OPCML: variants seen among roughly 807,000 people sequenced by gnomAD.
OPCML encodes the protein opioid-binding protein/cell adhesion molecule.
OPCML carries 13 observed loss-of-function variants against 37.8 expected under a neutral mutation model. The observed-to-expected ratio is 0.34, with a 90% confidence interval of 0.22 to 0.55. The LOEUF is 0.55. OPCML is among the 20% of genes least tolerant of loss of function. The pLI is 0.91. For missense variants in OPCML, 341 were observed against 435.6 expected (o/e 0.78, Z 1.93); for synonymous variants, 176 against 168.8 (o/e 1.04, Z -0.33).
At chr11:133,469,695 A>G (rs1947060761) in intron 1 of OPCML, among the ~76,000 whole-genome samples, 1 of 152,204 alleles carries the variant, frequency 6.6e-6, no homozygotes, top group African/African-American at 2.4e-5. Context: ...GTCTGACCCA[A>G]TTGGCTTTCT....
chr11:132,538,784 C>G (rs2096347692), intron 3 of OPCML, among the ~76,000 whole-genome samples: 3 of 152,260 alleles, frequency 2.0e-5, no homozygotes, highest in Admixed American at 1.3e-4. Flanking sequence ...CAAGACAACT[C>G]GCATTGCCCT....
intron 2 of OPCML, among the ~76,000 whole-genome samples, chr11:132,869,069 C>T (rs1942693274): frequency 6.6e-6 from 1 of 152,098 alleles, no homozygotes; most frequent in African/African-American, 2.4e-5. Context: ...ACTCCATGAG[C>T]AGTTGGAGCA....
intron 1 of OPCML, among the ~76,000 whole-genome samples, chr11:133,262,209 G>A (rs1375190149): frequency 6.6e-6 from 1 of 152,180 alleles, no homozygotes; most frequent in Non-Finnish European, 1.5e-5. Context: ...GTTTTTGTGT[G>A]TGGTGAAAAC....
chr11:133,123,595 T>C lies in OPCML; in HGVS notation c.62-180585A>G, dbSNP rs1949453127. Reference sequence around the variant, plus strand: ...TGAAGCTGTTTTATCCAGGGCCATCTGGTCAGCCCGGCATGCTTGGAGGAG... The same window carrying C: ...TGAAGCTGTTTTATCCAGGGCCATCCGGTCAGCCCGGCATGCTTGGAGGAG... On this transcript the variant is annotated intron_variant, in intron 1 of 7. Transcript: ENST00000524381. 1.3e-5 allele frequency among the ~76,000 whole-genome samples: 2 copies of C among 152,104 alleles called. 1 individual carries two copies.
At chr11:133,368,938 C>T (rs1944612837) in intron 1 of OPCML, among the ~76,000 whole-genome samples, 4 of 152,136 alleles carry the variant, frequency 2.6e-5, no homozygotes. Flanking sequence ...ATAAACATAG[C>T]TATACAATTA....
At chr11:133,007,491 C>T (rs1458638526) in intron 1 of OPCML, 2 of 985,450 alleles carry the variant, frequency 2.0e-6, no homozygotes, top group African/African-American at 3.5e-5. Flanking sequence ...TGTTAATGAA[C>T]CTGTCCTTAG....
chr11:133,107,283 A>T (rs1949174504), intron 1 of OPCML, among the ~76,000 whole-genome samples: 1 of 152,216 alleles, frequency 6.6e-6, no homozygotes, highest in Admixed American at 6.5e-5. Context: ...TGTGATTTTC[A>T]TTAGAGGACA....
chr11:133,089,514 T>C (rs1408240855), intron 1 of OPCML, among the ~76,000 whole-genome samples: 2 of 152,300 alleles, frequency 1.3e-5, no homozygotes, highest in Admixed American at 6.5e-5. Context: ...TACCAGGCAA[T>C]AGCAACATAC....
chr11:132,602,424 G>T (rs771699486), intron 3 of OPCML, among the ~76,000 whole-genome samples: 16 of 152,194 alleles, frequency 1.1e-4, no homozygotes, highest in Admixed American at 3.9e-4. Context: ...AAAATAGCTT[G>T]GTTTCGTAGG....
At chr11:132,746,078 G>A (rs1404638251) in intron 2 of OPCML, among the ~76,000 whole-genome samples, 2 of 151,586 alleles carry the variant, frequency 1.3e-5, no homozygotes, top group Non-Finnish European at 2.9e-5. Context: ...CCCTCCCCAA[G>A]CTCTTCACAA....
At chr11:133,215,996 G>C (rs576195671) in intron 1 of OPCML, among the ~76,000 whole-genome samples, 4 of 152,274 alleles carry the variant, frequency 2.6e-5, no homozygotes, top group East Asian at 1.9e-4. Flanking sequence ...CCACCAGGAG[G>C]GGGTGGGAGG....
At chr11:132,458,094 T>G (rs1465663723) in intron 4 of OPCML, among the ~76,000 whole-genome samples, 1 of 151,830 alleles carries the variant, frequency 6.6e-6, no homozygotes, top group Non-Finnish European at 1.5e-5. Flanking sequence ...CTATCCTGAG[T>G]GGACAGAGAA....
intron 2 of OPCML, among the ~76,000 whole-genome samples, chr11:132,784,988 G>A (rs1017955917): frequency 1.3e-5 from 2 of 152,118 alleles, no homozygotes; most frequent in African/African-American, 4.8e-5. Flanking sequence ...GACTAACACA[G>A]TCTGTGCTTA....
At chr11:133,132,381 T>G (rs1949618764) in intron 1 of OPCML, among the ~76,000 whole-genome samples, 1 of 152,192 alleles carries the variant, frequency 6.6e-6, no homozygotes, top group Non-Finnish European at 1.5e-5. Context: ...TGATTATACC[T>G]GGTGCTGGTG....
chr11:133,273,671 T>C (rs1941913638), intron 1 of OPCML, among the ~76,000 whole-genome samples: 2 of 152,202 alleles, frequency 1.3e-5, no homozygotes, highest in Non-Finnish European at 2.9e-5. Context: ...TGAAGAGAGA[T>C]GGCCTCTTCC....
chr11:133,125,746 G>C (rs1167353911), intron 1 of OPCML, among the ~76,000 whole-genome samples: 1 of 64,902 alleles, frequency 1.5e-5, no homozygotes, highest in Non-Finnish European at 3.2e-5. Flanking sequence ...TATATATATA[G>C]TATATATATA....
At chr11:132,526,474 T>C (rs2096308761) in intron 4 of OPCML, among the ~76,000 whole-genome samples, 1 of 152,162 alleles carries the variant, frequency 6.6e-6, no homozygotes, top group Non-Finnish European at 1.5e-5. Flanking sequence ...CTTTATGATA[T>C]AGAGACATTC....
At chr11:133,181,515 T>C (rs1256070709) in intron 1 of OPCML, among the ~76,000 whole-genome samples, 2 of 152,156 alleles carry the variant, frequency 1.3e-5, no homozygotes. Context: ...CCATCTATTA[T>C]ACTTTTGTTC....
intron 1 of OPCML, among the ~76,000 whole-genome samples, chr11:133,451,814 C>G (rs1946585744): frequency 6.6e-6 from 1 of 150,732 alleles, no homozygotes; most frequent in South Asian, 2.1e-4. Flanking sequence ...TGCAGCCCAG[C>G]CTGGGCAACA....
Sources: allele counts gnomAD v4.1 joint callset (sites outside exome capture counted in the v4.1 genomes callset), GRCh38; gene constraint gnomAD v4.1.1; transcripts MANE v1.5; gene names NCBI Gene and HGNC (gene_info 2026-07-23, HGNC 2026-07-21).